ADAMTSL5: variants seen among roughly 807,000 people sequenced by gnomAD.
ADAMTSL5 encodes ADAMTS-like protein 5.
ADAMTSL5 carries 53 observed loss-of-function variants against 51.7 expected under a neutral mutation model. The ratio of observed to expected loss-of-function variants is 1.03; its 90% CI spans 0.82 to 1.29. The LOEUF is 1.29. ADAMTSL5 is among the 50% of genes most tolerant of loss of function. ADAMTSL5 has a pLI of 0.00. For missense variants in ADAMTSL5, 770 were observed against 676.2 expected (o/e 1.14, Z -1.54); for synonymous variants, 285 against 278.7 (o/e 1.02, Z -0.23).
chr19:1,511,890 G>C (rs1913281401), intron 1 of ADAMTSL5: 1 of 281,944 alleles, frequency 3.5e-6, no homozygotes, highest in African/African-American at 2.2e-5. Flanking sequence ...GGTCCGTTCG[G>C]TGCCTCATGG....
intron 1 of ADAMTSL5, chr19:1,511,540 T>C (rs998245805): frequency 3.7e-5 from 44 of 1,203,416 alleles, no homozygotes; most frequent in Non-Finnish European, 4.2e-5. Flanking sequence ...TGCTTGATGA[T>C]TGGAGGGATC....
At chr19:1,510,614 G>A in intron 3 of ADAMTSL5, 25 bp downstream of exon 3, 3 of 1,517,148 alleles carry the variant, frequency 2.0e-6, no homozygotes, top group South Asian at 2.5e-5. Context: ...AGGAGGGGCA[G>A]GGACCCCCTC....
chr19:1,510,258 C>A lies in ADAMTSL5; in HGVS notation c.253G>T (p.Asp85Tyr). ...AAGGGCACAGCCCCTGGGGGGCAGTCCTAGGGACAGAGATAGGTGAGCCAG... is the reference window on the plus strand; with the variant it reads ...AAGGGCACAGCCCCTGGGGGGCAGTACTAGGGACAGAGATAGGTGAGCCAG... ...SHEYRLCQLP[D>Y]CPPGAVPFRD... is the part of the protein sequence containing the mutation. Residue 85 changes from aspartate to tyrosine, a missense_variant and splice_region_variant, in exon 5 of 12, where the codon GAC (aspartate) becomes TAC (tyrosine). Physicochemically the swap from Asp to Tyr is radical, Grantham distance 160 (BLOSUM62 -3). Transcript: ENST00000330475. 6.2e-7 allele frequency: 1 copy of A among 1,613,292 alleles called. No individual in the cohort carries two copies. The highest frequency in any genetic ancestry group is 1.1e-5 in the South Asian group (1 of 90,944).
chr19:1,507,305 T>G lies in ADAMTSL5; in HGVS notation c.789A>C (p.Arg263=), dbSNP rs368695390. ...EAAGTHVVYT[R]DTGPQETLQA... is the part of the protein sequence containing the mutation. ...GCAATGTCTCCTGGGGCCCTGTGTC[T>G]CGGGTGTAGACCACATGCGTGCCGG... is the stretch of plus-strand genomic sequence containing the variant. Residue 263 remains arginine, a synonymous_variant, in exon 9 of 12, where the codon CGA becomes CGC. Coordinates refer to ENST00000330475, the MANE Select transcript of ADAMTSL5 (RefSeq NM_213604.3). 20 of 1,590,158 alleles carry G rather than the reference T, an allele frequency of 1.3e-5. No homozygotes were observed. The African/African-American group carries it at 2.7e-4, about 21-fold the overall frequency.
chr19:1,507,835 T>C (rs1039721832), intron 7 of ADAMTSL5, among the ~76,000 whole-genome samples, 163 bp downstream of exon 7: 11 of 152,152 alleles, frequency 7.2e-5, no homozygotes, highest in Middle Eastern at 3.4e-3. Flanking sequence ...ACCCCATCTG[T>C]CCTGGGGAAG....
rs1324750613 is a variant in ADAMTSL5, at chr19:1,505,397, G to A, written c.*618C>T. 1.3e-5 allele frequency: 2 copies of A among 151,486 alleles called. No homozygotes were observed. The highest frequency in any genetic ancestry group is 1.9e-4 in the East Asian group (1 of 5,166). The allele number at this position is 151,486 out of a possible 1,614,324, so 9.4% of individuals were successfully genotyped here. On this transcript the variant is annotated 3_prime_UTR_variant, in exon 12 of 12. Transcript: ENST00000330475. ...AAAAAAAAAAAGGAGGAGCAAGCACGTGTTGATGGGTGGAAATCCAGCCAG... is the reference window on the plus strand; with the variant it reads ...AAAAAAAAAAAGGAGGAGCAAGCACATGTTGATGGGTGGAAATCCAGCCAG...
In ADAMTSL5 at chr19:1,511,004, T is replaced by C; in HGVS notation, c.-61A>G. The C allele has an allele frequency of 8.0e-7, 1 of 1,244,442 alleles. No individual in the cohort carries two copies. The highest frequency in any genetic ancestry group is 1.0e-6 in the Non-Finnish European group (1 of 958,870). 77.1% of individuals were successfully genotyped at this position (1,244,442 alleles called of 1,614,324 possible). ...CTCTGCCCTGACTGGCTGTGTGATCTTGGAAAGTAACTAAACCTCTCTGAG... is the reference window on the plus strand; with the variant it reads ...CTCTGCCCTGACTGGCTGTGTGATCCTGGAAAGTAACTAAACCTCTCTGAG... On this transcript the variant is annotated 5_prime_UTR_variant, in exon 2 of 12. Coordinates refer to ENST00000330475, the MANE Select transcript of ADAMTSL5 (RefSeq NM_213604.3).
Position 1,506,268 on chromosome 19 carries a change from C to T in ADAMTSL5, c.1163G>A (p.Arg388His), listed in dbSNP as rs775251593. Residue 388 changes from arginine to histidine, a missense_variant, in exon 12 of 12, where the codon CGC becomes CAC. Arg to His is a conservative substitution (Grantham distance 29, BLOSUM62 0). Transcript: ENST00000330475. The surrounding 1 kb of genome is among the most constrained non-coding windows in gnomAD (Gnocchi z 5.6). ...GACGAGCTGGATGCGCACCTCATAG[C>T]GGGTCTCCTGGGCCTGGTGGTGGTG... ...LGHHHQAQET[R>H]YEVRIQLVYK... 2.4e-5 allele frequency: 37 copies of T among 1,564,028 alleles called. No individual in the cohort carries two copies. The highest frequency in any genetic ancestry group is 3.0e-5 in the Non-Finnish European group (35 of 1,151,838).
intron 9 of ADAMTSL5, 33 bp downstream of exon 9, chr19:1,507,209 C>T (rs745317011): frequency 1.4e-5 from 22 of 1,517,750 alleles, no homozygotes; most frequent in Admixed American, 2.2e-5. Flanking sequence ...CCCCAGCCGA[C>T]CCCCTCTGAC....
chr19:1,512,659 G>A (rs530606508), intron 1 of ADAMTSL5, among the ~76,000 whole-genome samples: 3 of 152,058 alleles, frequency 2.0e-5, no homozygotes, highest in East Asian at 3.9e-4. Flanking sequence ...CAGCCTGGGC[G>A]ACATAGTGAG....
At position 1,507,263 on chromosome 19, in the gene ADAMTSL5, G is replaced by A. The variant is rs748455519; in HGVS notation, c.831C>T (p.Thr277=). The part of the protein sequence containing the change: ...PQETLQAAGP[T]SHDLLLQVLL... ...GCACCTGTAGGAGCAGGTCATGGGA[G>A]GTGGGCCCGGCTGCTTGCAATGTCT... Residue 277 remains threonine, a synonymous_variant, in exon 9 of 12, where the codon ACC becomes ACT. Transcript: ENST00000330475. 2 of 1,549,194 alleles carry A rather than the reference G, an allele frequency of 1.3e-6. No individual in the cohort carries two copies. The highest frequency in any genetic ancestry group is 1.2e-5 in the South Asian group (1 of 80,198).
In ADAMTSL5 at chr19:1,510,409, AC is replaced by A; in HGVS notation, c.210del (p.Cys71AlafsTer139). On this transcript the variant is annotated frameshift_variant, in exon 4 of 12. Transcript: ENST00000330475. LOFTEE classifies it high-confidence loss of function. ...RRCLRLPGEE[P>X]CWGDSHEYRL... ...CGGTACTCATGGGAGTCTCCCCAGC[AC>A]GGTTCTTCCCCAGGAAGCCTGAAGG... 6.2e-7 allele frequency: 1 copy of A among 1,612,118 alleles called. No homozygotes were observed. Among genetic ancestry groups the A allele is most frequent in the African/African-American group, 1.3e-5 (1 of 74,962 alleles).
At position 1,508,050 on chromosome 19, in the gene ADAMTSL5, GCAGCGGCCA is replaced by G; in HGVS notation, c.540_548del (p.Arg182_Gly184del). On this transcript the variant is annotated inframe_deletion, in exon 7 of 12. Coordinates refer to ENST00000330475, the MANE Select transcript of ADAMTSL5 (RefSeq NM_213604.3). Reference sequence around the variant, plus strand: ...AAAGGCACGAGTCGTTGGCGCCTCCGCAGCGGCCACAGCGGTCCTCGAGGGCACCCGAGC... The same window carrying G: ...AAAGGCACGAGTCGTTGGCGCCTCCGCAGCGGTCCTCGAGGGCACCCGAGC... The G allele has an allele frequency of 6.2e-7, 1 of 1,610,040 alleles. No homozygotes were observed. The highest frequency in any genetic ancestry group is 1.3e-5 in the African/African-American group (1 of 74,934).
At chr19:1,507,497 A>C in intron 8 of ADAMTSL5, 60 bp downstream of exon 8, 1 of 1,611,974 alleles carries the variant, frequency 6.2e-7, no homozygotes. Flanking sequence ...CCATCTGTAA[A>C]CAGGGACAAC....
chr19:1,506,820 G>C lies in ADAMTSL5; in HGVS notation c.961C>G (p.Gln321Glu). ...RVQALGWPLR[Q>E]PQPRGVEPQP... Reference sequence around the variant, plus strand: ...GGCTCCACCCCCCGGGGCTGAGGCTGCCTCAGGGGCCAGCCCAGGGCCTGC... The same window carrying C: ...GGCTCCACCCCCCGGGGCTGAGGCTCCCTCAGGGGCCAGCCCAGGGCCTGC... Residue 321 changes from glutamine to glutamate, a missense_variant, in exon 10 of 12, where the codon CAG becomes GAG. By Grantham distance (29) the Gln-to-Glu change is conservative. Transcript: ENST00000330475. The surrounding 1 kb of genome is among the most constrained non-coding windows in gnomAD (Gnocchi z 5.6). The C allele has an allele frequency of 6.5e-7, 1 of 1,540,572 alleles. No individual in the cohort carries two copies. The highest frequency in any genetic ancestry group is 8.7e-7 in the Non-Finnish European group (1 of 1,143,916).
intron 1 of ADAMTSL5, chr19:1,511,608 A>G: frequency 3.2e-6 from 3 of 924,358 alleles, no homozygotes; most frequent in Non-Finnish European, 4.5e-6. Flanking sequence ...CGCCCTCCCC[A>G]CCATCACTGC....
intron 7 of ADAMTSL5, 109 bp from the exon 8 acceptor site, chr19:1,507,752 G>T: frequency 8.3e-7 from 1 of 1,203,350 alleles, no homozygotes; most frequent in Non-Finnish European, 1.2e-6. Flanking sequence ...AGGGTCCTGG[G>T]AACCGGAAAA....
In ADAMTSL5 at chr19:1,510,994, C is replaced by T. The variant is rs1913239216; in HGVS notation, c.-51G>A. ...TGTGTCCCGGCTCTGCCCTGACTGG[C>T]TGTGTGATCTTGGAAAGTAACTAAA... On this transcript the variant is annotated 5_prime_UTR_variant, in exon 2 of 12. Coordinates refer to ENST00000330475, the MANE Select transcript of ADAMTSL5 (RefSeq NM_213604.3). 1.6e-6 allele frequency: 2 copies of T among 1,287,102 alleles called. No individual in the cohort carries two copies. Among genetic ancestry groups the T allele is most frequent in the Non-Finnish European group, 2.0e-6 (2 of 994,280 alleles). The allele number at this position is 1,287,102 out of a possible 1,614,324, so 79.7% of individuals were successfully genotyped here. A position where few individuals can be genotyped will look rare whatever the true frequency, so the allele number is the denominator to read the frequency against.
Position 1,507,227 on chromosome 19 carries a change from G to A in ADAMTSL5, c.852+15C>T, listed in dbSNP as rs1191947505. On this transcript the variant is annotated intron_variant, in intron 9 of 11. Coordinates refer to ENST00000330475, the MANE Select transcript of ADAMTSL5 (RefSeq NM_213604.3). ...CAGCCGACCCCCTCTGACCCTGTTG[G>A]AGGCCCAGTGGCACCTGTAGGAGCA... 4 of 1,526,556 alleles carry A rather than the reference G, an allele frequency of 2.6e-6. No individual in the cohort carries two copies. In the South Asian group the frequency reaches 5.2e-5, roughly 20 times the overall value. The allele number at this position is 1,526,556 out of a possible 1,614,324, so 94.6% of individuals were successfully genotyped here. A position where few individuals can be genotyped will look rare whatever the true frequency, so the allele number is the denominator to read the frequency against.
Sources: gnomAD v4.1 joint callset for allele counts (sites outside exome capture counted in the v4.1 genomes callset) on GRCh38, gnomAD v4.1.1 for gene constraint, Gnocchi (gnomAD v3.1) non-coding constraint, MANE v1.5 for transcripts, NCBI Gene and HGNC (gene_info 2026-07-23, HGNC 2026-07-21) for gene names.